PIGZ: variants seen among roughly 807,000 people sequenced by gnomAD.
PIGZ encodes phosphatidylinositol glycan anchor biosynthesis class Z (Gwada blood group).
A neutral mutation model predicts 16.4 loss-of-function variants in PIGZ; 16 were observed. That is an observed-to-expected ratio of 0.97 (90% CI 0.66 to 1.48). The LOEUF is 1.48. Ranked by LOEUF, PIGZ falls within the 40% of genes most tolerant of loss-of-function variation. PIGZ has a pLI of 0.00. For missense variants in PIGZ, 770 were observed against 739.2 expected, an observed-to-expected ratio of 1.04 and a Z score of -0.48; for synonymous variants, 409 against 338.4, an observed-to-expected ratio of 1.21 and a Z score of -2.29.
Position 196,946,802 on chromosome 3 carries a change from T to C in PIGZ, c.*355A>G, listed in dbSNP as rs149506669. 1.5e-3 allele frequency: 299 copies of C among 198,144 alleles called. No homozygotes were observed. The highest frequency in any genetic ancestry group is 6.5e-3 in the African/African-American group (280 of 42,998). 12.3% of individuals were successfully genotyped at this position (198,144 alleles called of 1,614,324 possible). A position where few individuals can be genotyped will look rare whatever the true frequency, so the allele number is the denominator to read the frequency against. ...ATCATGGGAGGTTTGGGAGAGGTCA[T>C]TGAGGAATGTCACTAGCAGTTCATT... On this transcript the variant is annotated 3_prime_UTR_variant, in exon 3 of 3. Transcript: ENST00000412723.
rs777108663 is a variant in PIGZ at position 196,947,958 on chromosome 3, C to T, written c.939G>A (p.Ala313=). Reference sequence around the variant, plus strand: ...CGTTGACTGCCAGGTGAGTGAGCCGCGCGTGCGTGCCATGTCTCGCCAGGT... The same window carrying T: ...CGTTGACTGCCAGGTGAGTGAGCCGTGCGTGCGTGCCATGTCTCGCCAGGT... ...PQNLARHGTH[A]RLTHLAVNGF... is the part of the protein sequence containing the mutation. Residue 313 remains alanine (A), a synonymous_variant, in exon 3 of 3, where the codon GCG becomes GCA. Transcript: ENST00000412723. The T allele has an allele frequency of 2.6e-5, 42 of 1,611,670 alleles. No individual in the cohort carries two copies. The highest frequency in any genetic ancestry group is 3.3e-5 in the Non-Finnish European group (39 of 1,178,634).
In PIGZ at chr3:196,948,018, A is replaced by T; in HGVS notation, c.879T>A (p.Pro293=). The T allele has an allele frequency of 6.3e-7, 1 of 1,595,286 alleles. No homozygotes were observed. The highest frequency in any genetic ancestry group is 8.6e-7 in the Non-Finnish European group (1 of 1,168,022). ...PATSRNLVLT[P]VNFLHYNLNP... is the part of the protein sequence containing the mutation. ...TCAGGTTGTAGTGCAAGAAGTTGAC[A>T]GGTGTCAGGACAAGGTTCCTGGATG... The change falls in exon 3 of 3, where the codon CCT becomes CCA. Residue 293 remains proline, a synonymous_variant. Transcript: ENST00000412723.
Position 196,964,274 on chromosome 3 carries a change from C to T in PIGZ, c.-1+4413G>A, listed in dbSNP as rs553956577. 6.6e-5 allele frequency among the ~76,000 whole-genome samples: 10 copies of T among 151,240 alleles called. No homozygotes were observed. The East Asian group carries it at 1.9e-3, about 29-fold the overall frequency. ...CCATGTTAGCCAGGATGGTCTCGAT[C>T]TCCTGACCTCGTGATCCGCCCACCT... On this transcript the variant is annotated intron_variant, in intron 1 of 2. Coordinates refer to ENST00000412723, the MANE Select transcript of PIGZ (RefSeq NM_025163.4).
chr3:196,962,854 T>C (rs79564933), intron 1 of PIGZ, among the ~76,000 whole-genome samples: 14,291 of 152,232 alleles, frequency 0.094, 1,228 homozygotes, highest in African/African-American at 0.23. Flanking sequence ...CTCACTGAGA[T>C]AGTAGAGATA....
At chr3:196,961,825 G>GAA (rs1717733171) in intron 1 of PIGZ, among the ~76,000 whole-genome samples, 1 of 152,154 alleles carries the variant, frequency 6.6e-6, no homozygotes, top group Non-Finnish European at 1.5e-5. Flanking sequence ...ATTTTAAAGT[G>GAA]TACAATTCAA....
rs553140398 is a variant in PIGZ, at chr3:196,948,340, G to A, written c.557C>T (p.Thr186Met). The A allele has an allele frequency of 1.4e-5, 23 of 1,614,222 alleles. No homozygotes were observed. Among genetic ancestry groups the A allele is most frequent in the African/African-American group, 4.0e-5 (3 of 75,054 alleles). Reference protein sequence around the residue: ...FSNTIEGLLFTWLLVLVSSHV... With the variant: ...FSNTIEGLLFMWLLVLVSSHV... ...GGAGGATACCAGCACCAGCAGCCAC[G>A]TGAAGAGGAGTCCCTCAATGGTGTT... Residue 186 changes from threonine to methionine, a missense_variant, in exon 3 of 3, where the codon ACG (threonine) becomes ATG (methionine). Transcript: ENST00000412723.
At chr3:196,961,302 T>G (rs1202054350) in intron 1 of PIGZ, among the ~76,000 whole-genome samples, 1 of 152,022 alleles carries the variant, frequency 6.6e-6, no homozygotes, top group Non-Finnish European at 1.5e-5. Flanking sequence ...GTTCTAGGAG[T>G]CATTCCTGGG....
chr3:196,947,004 G>C lies in PIGZ; in HGVS notation c.*153C>G. 1 of 637,150 alleles carries C rather than the reference G, an allele frequency of 1.6e-6. No homozygotes were observed. The highest frequency in any genetic ancestry group is 2.9e-5 in the East Asian group (1 of 34,674). The allele number at this position is 637,150 out of a possible 1,614,324, so 39.5% of individuals were successfully genotyped here. Reference sequence around the variant, plus strand: ...AGAGTGCCAGCTCACCCAGAAGGCAGAACAGCTAACAGCCATGCCCAGGAG... The same window carrying C: ...AGAGTGCCAGCTCACCCAGAAGGCACAACAGCTAACAGCCATGCCCAGGAG... On this transcript the variant is annotated 3_prime_UTR_variant, in exon 3 of 3. Transcript: ENST00000412723.
Position 196,948,141 on chromosome 3 carries a change from C to T in PIGZ, c.756G>A (p.Lys252=). ...GCACCAGGGCCTCCCGGGTCAGAGA[C>T]TTCAAACCAGGGTTTGTGGCTCCAC... ...GTRGATNPGL[K]SLTREALVLL... is the part of the protein sequence containing the mutation. Residue 252 remains lysine (K), a synonymous_variant, in exon 3 of 3, where the codon AAG becomes AAA. Coordinates refer to ENST00000412723, the MANE Select transcript of PIGZ (RefSeq NM_025163.4). 1 of 1,609,104 alleles carries T rather than the reference C, an allele frequency of 6.2e-7. No homozygotes were observed. Among genetic ancestry groups the T allele is most frequent in the Non-Finnish European group, 8.5e-7 (1 of 1,176,848 alleles).
intron 2 of PIGZ, 183 bp downstream of exon 2, chr3:196,951,638 C>A: frequency 1.6e-6 from 1 of 626,710 alleles, no homozygotes; most frequent in South Asian, 1.9e-5. Context: ...AGTGTCACCA[C>A]TCGGGAAGGA....
intron 1 of PIGZ, among the ~76,000 whole-genome samples, chr3:196,959,492 A>G (rs942024217): frequency 6.6e-6 from 1 of 152,166 alleles, no homozygotes; most frequent in Non-Finnish European, 1.5e-5. Context: ...TCCATCATGC[A>G]TCTACTCCTT....
intron 1 of PIGZ, among the ~76,000 whole-genome samples, chr3:196,955,192 C>T (rs766305698): frequency 6.6e-6 from 1 of 152,224 alleles, no homozygotes; most frequent in Non-Finnish European, 1.5e-5. Flanking sequence ...TCCCAAAGTG[C>T]TCGGATTACA....
intron 2 of PIGZ, among the ~76,000 whole-genome samples, chr3:196,950,476 C>G (rs544130084): frequency 6.6e-5 from 10 of 152,214 alleles, no homozygotes; most frequent in Non-Finnish European, 4.4e-5. Context: ...CTGGCTGTTT[C>G]GAGCTGATCA....
At chr3:196,956,341 G>T (rs962994101) in intron 1 of PIGZ, among the ~76,000 whole-genome samples, 1 of 152,200 alleles carries the variant, frequency 6.6e-6, no homozygotes, top group Non-Finnish European at 1.5e-5. Context: ...GCAAAGGCAC[G>T]TCTTACATGG....
At position 196,947,794 on chromosome 3, in the gene PIGZ, G is replaced by C. The variant is rs1184645459; in HGVS notation, c.1103C>G (p.Ser368Cys). 6.2e-7 allele frequency: 1 copy of C among 1,608,190 alleles called. No homozygotes were observed. The highest frequency in any genetic ancestry group is 1.7e-5 in the Admixed American group (1 of 59,390). ...CATGAAGTAGAGGAGAAGGAGATAG[G>C]ACCTGGGGCTGGACAGCAGGCTCCG... ...GARSLLSSPRSYLLLLYFMPL... is the reference protein window; with the variant it reads ...GARSLLSSPRCYLLLLYFMPL... Residue 368 changes from serine to cysteine, a missense_variant, in exon 3 of 3, where the codon TCC (serine) becomes TGC (cysteine). Ser to Cys is a moderately radical substitution (Grantham distance 112). Transcript: ENST00000412723.
chr3:196,947,090 C>T lies in PIGZ; in HGVS notation c.*67G>A, dbSNP rs2290731. On this transcript the variant is annotated 3_prime_UTR_variant, in exon 3 of 3. Transcript: ENST00000412723. ...CTGTCCCAGCGTCCCAGCCCAGCTA[C>T]CCAAGTAGAAGGTGGGGCGGCATCT... 7,211 of 1,435,620 alleles carry T rather than the reference C, an allele frequency of 5.0e-3. 89 individuals are homozygous for T. Among genetic ancestry groups the T allele is most frequent in the East Asian group, 0.031 (1,352 of 43,230 alleles). 88.9% of individuals were successfully genotyped at this position (1,435,620 alleles called of 1,614,324 possible). A position where few individuals can be genotyped will look rare whatever the true frequency, so the allele number is the denominator to read the frequency against.
chr3:196,947,461 C>T lies in PIGZ; in HGVS notation c.1436G>A (p.Gly479Glu), dbSNP rs754507062. The part of the protein sequence containing the change: ...PRHLLHLPGL[G>E]APVEVVDMGG... ...CATGTCCACCACCTCCACTGGTGCC[C>T]CCAGGCCTGGGAGGTGTAGGAGGTG... is the stretch of plus-strand genomic sequence containing the variant. Residue 479 changes from glycine (G) to glutamate (E), a missense_variant, in exon 3 of 3, where the codon GGG (glycine) becomes GAG (glutamate). Physicochemically the swap from Gly to Glu is moderately conservative, Grantham distance 98 (BLOSUM62 -2). Coordinates refer to ENST00000412723, the MANE Select transcript of PIGZ (RefSeq NM_025163.4). 23 of 1,613,642 alleles carry T rather than the reference C, an allele frequency of 1.4e-5. No homozygotes were observed. The Middle Eastern group carries it at 6.6e-4, about 46-fold the overall frequency.
intron 2 of PIGZ, among the ~76,000 whole-genome samples, chr3:196,948,932 TACTTC>T (rs1560181001): frequency 1.0e-4 from 1 of 9,958 alleles, no homozygotes; most frequent in African/African-American, 1.4e-3. Flanking sequence ...TCCTTCCCTT[TACTTC>T]CCTTCCTTCC....
At chr3:196,954,241 C>T (rs1232445405) in intron 1 of PIGZ, among the ~76,000 whole-genome samples, 1 of 152,186 alleles carries the variant, frequency 6.6e-6, no homozygotes, top group Non-Finnish European at 1.5e-5. Flanking sequence ...GCTGAGATCA[C>T]ACCACAGCAC....
Sources: gnomAD v4.1 joint callset for allele counts (sites outside exome capture counted in the v4.1 genomes callset) on GRCh38, gnomAD v4.1.1 for gene constraint, MANE v1.5 for transcripts, NCBI Gene and HGNC (gene_info 2026-07-23, HGNC 2026-07-21) for gene names.